The following FLNB variants were observed in gnomAD, a reference collection of about 807,000 sequenced individuals.
FLNB encodes the protein filamin B.
FLNB carries 111 observed loss-of-function variants against 250.6 expected under a neutral mutation model. The ratio of observed to expected loss-of-function variants is 0.44; its 90% CI spans 0.38 to 0.52. The LOEUF (loss-of-function observed/expected upper bound fraction) is 0.52, where lower values mean the gene tolerates loss of function less well. Among genes scored for constraint, FLNB ranks in the 20% least tolerant of loss-of-function variants. The pLI is 0.00. For missense variants in FLNB, 2,869 were observed against 3,447.8 expected, an observed-to-expected ratio of 0.83 and a Z score of 4.20; for synonymous variants, 1,302 against 1,372.1, an observed-to-expected ratio of 0.95 and a Z score of 1.13.
At chr3:58,104,943 G>C in intron 10 of FLNB, 137 bp from the exon 11 acceptor site, 1 of 1,065,752 alleles carries the variant, frequency 9.4e-7, no homozygotes, top group Non-Finnish European at 1.5e-6. Flanking sequence ...GCAGGAGGAA[G>C]GGCTTGGCTG....
chr3:58,058,233 AGTTAT>A (rs1308119862), intron 1 of FLNB, among the ~76,000 whole-genome samples: 1 of 152,194 alleles, frequency 6.6e-6, no homozygotes, highest in Non-Finnish European at 1.5e-5. Flanking sequence ...ACTTTTACTA[AGTTAT>A]CTTTCCTCTC....
rs1298767359 is a variant in FLNB at position 58,156,000 on chromosome 3, C to T, written c.6813C>T (p.Ile2271=). The T allele has an allele frequency of 6.2e-7, 1 of 1,614,102 alleles. No individual in the cohort carries two copies. Among genetic ancestry groups the T allele is most frequent in the Non-Finnish European group, 8.5e-7 (1 of 1,179,962 alleles). The change falls in exon 41 of 46, where the codon ATC becomes ATT. Residue 2271 remains isoleucine (I), a synonymous_variant. Transcript: ENST00000295956. ...EVSIKFNDEH[I]PESPYLVPVI... is the part of the protein sequence containing the mutation. ...CCATCAAGTTCAATGATGAGCACATCCCGGAAAGCCCCTACCTGGTGCCGG... is the reference window on the plus strand; with the variant it reads ...CCATCAAGTTCAATGATGAGCACATTCCGGAAAGCCCCTACCTGGTGCCGG...
intron 1 of FLNB, among the ~76,000 whole-genome samples, chr3:58,045,999 C>CAAAAAAAAAAAAA (rs34327981): frequency 1.4e-5 from 1 of 68,972 alleles, no homozygotes; most frequent in African/African-American, 5.4e-5. Context: ...ACTCCGTCTC[C>CAAAAAAAAAAAAA]AAAAAAAAAA....
At position 58,010,999 on chromosome 3, in the gene FLNB, C is replaced by T. The variant is rs143577387; in HGVS notation, c.292+2143C>T. ...GTGCCATCTCTGCTCACTGCAACCT[C>T]CACCTCCCGGGTTCAAGCGATTCTT... On this transcript the variant is annotated intron_variant, in intron 1 of 45. Transcript: ENST00000295956. 3.3e-3 allele frequency among the ~76,000 whole-genome samples: 508 copies of T among 152,320 alleles called. 2 individuals carry two copies. The highest frequency in any genetic ancestry group is 5.2e-3 in the Non-Finnish European group (354 of 68,034).
Position 58,150,007 on chromosome 3 carries a change from G to A in FLNB, c.6244+5G>A, listed in dbSNP as rs1174616557. On this transcript the variant is annotated splice_donor_5th_base_variant and intron_variant, in intron 37 of 45. Coordinates refer to ENST00000295956, the MANE Select transcript of FLNB (RefSeq NM_001457.4). ...TCGCTGACGAGCACGTGCCTGGTAT[G>A]TGCATTCCATTCCCCTCCAGGTGGG... 2 of 1,614,268 alleles carry A rather than the reference G, an allele frequency of 1.2e-6. No individual in the cohort carries two copies. Among genetic ancestry groups the A allele is most frequent in the Non-Finnish European group, 1.7e-6 (2 of 1,180,056 alleles).
chr3:58,041,902 G>T (rs2097146570), intron 1 of FLNB, among the ~76,000 whole-genome samples: 1 of 152,200 alleles, frequency 6.6e-6, no homozygotes, highest in Non-Finnish European at 1.5e-5. Flanking sequence ...CACCAGAAGG[G>T]TTCCTCATCC....
chr3:58,154,864 C>T lies in FLNB; in HGVS notation c.6708C>T (p.Ala2236=), dbSNP rs532347120. ...LSIAVEGPSK[A]EITFDDHKNG... ...TCGCTGTTGAGGGCCCCAGTAAGGCCGAGATTACATTCGATGACCATAAAA... is the reference window on the plus strand; with the variant it reads ...TCGCTGTTGAGGGCCCCAGTAAGGCTGAGATTACATTCGATGACCATAAAA... The change falls in exon 40 of 46, where the codon GCC becomes GCT. Residue 2236 remains alanine (A), a synonymous_variant. Transcript: ENST00000295956. 1.5e-5 allele frequency: 25 copies of T among 1,613,826 alleles called. No individual in the cohort carries two copies. Among genetic ancestry groups the T allele is most frequent in the Middle Eastern group, 1.7e-4 (1 of 6,060 alleles).
chr3:58,019,643 G>A (rs1389162754), intron 1 of FLNB, among the ~76,000 whole-genome samples: 1 of 151,878 alleles, frequency 6.6e-6, no homozygotes, highest in Non-Finnish European at 1.5e-5. Flanking sequence ...TGTAGTGAGA[G>A]GGTGTAGAAG....
intron 33 of FLNB, among the ~76,000 whole-genome samples, chr3:58,146,407 C>T (rs909780228): frequency 6.6e-6 from 1 of 152,178 alleles, no homozygotes; most frequent in Non-Finnish European, 1.5e-5. Flanking sequence ...TGCCCATTCC[C>T]GTGGTATTCA....
intron 4 of FLNB, among the ~76,000 whole-genome samples, chr3:58,082,277 C>G (rs1442573481): frequency 1.3e-5 from 2 of 152,170 alleles, no homozygotes; most frequent in African/African-American, 2.4e-5. Flanking sequence ...TTGCTCAGAA[C>G]ATTATAGTGG....
At chr3:58,014,953 T>C (rs1407376939) in intron 1 of FLNB, among the ~76,000 whole-genome samples, 3 of 152,074 alleles carry the variant, frequency 2.0e-5, no homozygotes, top group African/African-American at 7.2e-5. Flanking sequence ...GGTCTCGAAC[T>C]CCCAACCTCG....
chr3:58,120,532 T>C (rs2097286924), intron 19 of FLNB, among the ~76,000 whole-genome samples: 1 of 152,214 alleles, frequency 6.6e-6, no homozygotes, highest in African/African-American at 2.4e-5. Flanking sequence ...AATCTAACAC[T>C]TGGGCTTCCT....
intron 1 of FLNB, among the ~76,000 whole-genome samples, chr3:58,027,242 TCC>T (rs2097124707): frequency 6.6e-6 from 1 of 151,422 alleles, no homozygotes; most frequent in Admixed American, 6.6e-5. Flanking sequence ...AACCTCCGCC[TCC>T]CAGGTTCAAG....
At chr3:58,143,404 C>A (rs183278497) in intron 31 of FLNB, 69 bp from the exon 32 acceptor site, 191 of 1,559,704 alleles carry the variant, frequency 1.2e-4, no homozygotes, top group African/African-American at 1.1e-3. Flanking sequence ...TACATCTGTG[C>A]CTTGGGCTCT....
At chr3:58,102,073 C>A in intron 8 of FLNB, 130 bp from the exon 9 acceptor site, 1 of 976,538 alleles carries the variant, frequency 1.0e-6, no homozygotes, top group Non-Finnish European at 1.6e-6. Flanking sequence ...GACCCCTGGT[C>A]TTGGGCAACT....
At chr3:58,133,047 C>T (rs945783717) in intron 26 of FLNB, 116 bp downstream of exon 26, 2 of 1,160,070 alleles carry the variant, frequency 1.7e-6, no homozygotes, top group East Asian at 5.2e-5. Context: ...ATCCACTCAT[C>T]CATTCCTCCA....
At chr3:58,069,389 C>T (rs966585733) in intron 1 of FLNB, among the ~76,000 whole-genome samples, 86 of 151,942 alleles carry the variant, frequency 5.7e-4, no homozygotes, top group African/African-American at 1.9e-3. Flanking sequence ...ACAAGGTGCC[C>T]ACCGCCATGC....
chr3:58,150,249 G>A (rs1409307539), intron 38 of FLNB, 22 bp downstream of exon 38: 2 of 1,613,938 alleles, frequency 1.2e-6, no homozygotes, highest in African/African-American at 2.7e-5. Flanking sequence ...GGACTAGTAG[G>A]GTGGGGAAGC....
chr3:58,084,923 A>T (rs1490806384), intron 4 of FLNB, among the ~76,000 whole-genome samples: 2 of 152,132 alleles, frequency 1.3e-5, no homozygotes, highest in Non-Finnish European at 2.9e-5. Context: ...CTAGAAGTAG[A>T]ATCATATGCT....
Sources: allele counts gnomAD v4.1 joint callset (sites outside exome capture counted in the v4.1 genomes callset), GRCh38; gene constraint gnomAD v4.1.1; transcripts MANE v1.5; gene names NCBI Gene and HGNC (gene_info 2026-07-23, HGNC 2026-07-21).